Variants in ZNF214 observed in about 807,000 individuals in gnomAD.
ZNF214 encodes zinc finger protein 214.
In ZNF214, 43 loss-of-function variants were observed where a neutral mutation model predicts 53.9. That is an observed-to-expected ratio of 0.80 (90% CI 0.63 to 1.03). The LOEUF is 1.03. Among genes scored for constraint, ZNF214 ranks in the 50% least tolerant of loss-of-function variants. The probability of loss-of-function intolerance (pLI) is 0.00; values close to 1 mark genes in which losing one functional copy is unlikely to be tolerated. For synonymous variants in ZNF214, 217 were observed against 229.5 expected (o/e 0.95, Z 0.49); for missense variants, 724 against 719.1 (o/e 1.01, Z -0.08).
At chr11:7,004,057 A>C (rs556084937) in intron 1 of ZNF214, among the ~76,000 whole-genome samples, 1 of 151,994 alleles carries the variant, frequency 6.6e-6, no homozygotes, top group Non-Finnish European at 1.5e-5. Flanking sequence ...ATTTTATAAA[A>C]AGTACAATAA....
rs1285778011 is a variant in ZNF214, at chr11:7,014,812, AAAAAAAAC to A, written c.-21+5253_-21+5260del. On this transcript the variant is annotated intron_variant, in intron 1 of 2. Coordinates refer to ENST00000278314, the MANE Select transcript of ZNF214 (RefSeq NM_013249.4). ...CGAAACCCTGTCTCTAACAAAAAAAAAAAAAAACAAAAAAAAAACACTACCCAGGAGGT... is the reference window on the plus strand; with the variant it reads ...CGAAACCCTGTCTCTAACAAAAAAAAAAAAAAAAAACACTACCCAGGAGGT... Among the ~76,000 whole-genome samples the A allele has an allele frequency of 1.6e-4, 24 of 148,272 alleles. No homozygotes were observed. In the East Asian group the frequency reaches 4.8e-3, roughly 29 times the overall value.
At chr11:7,013,475 T>C (rs1851657488) in intron 1 of ZNF214, among the ~76,000 whole-genome samples, 1 of 152,238 alleles carries the variant, frequency 6.6e-6, no homozygotes, top group Admixed American at 6.5e-5. Flanking sequence ...TAGCAGAACA[T>C]GTTCCATATA....
intron 1 of ZNF214, among the ~76,000 whole-genome samples, chr11:7,019,252 C>T (rs977417897): frequency 6.6e-6 from 1 of 152,144 alleles, no homozygotes; most frequent in African/African-American, 2.4e-5. Flanking sequence ...CATCTCCTAG[C>T]AAGAGGTCCA....
At position 6,999,974 on chromosome 11, in the gene ZNF214, C is replaced by G; in HGVS notation, c.1709G>C (p.Arg570Pro). The change falls in exon 3 of 3, where the codon CGA becomes CCA. Residue 570 changes from arginine to proline, a missense_variant. By Grantham distance (103) the Arg-to-Pro change is moderately radical. Transcript: ENST00000278314. ...TCCTGCATGGACTCTTTGATGAATT[C>G]GAAGAGCTGAGCTATGACTGAAACC... ...GKGFSHSSAL[R>P]IHQRVHAGEK... 6.2e-7 allele frequency: 1 copy of G among 1,613,058 alleles called. No homozygotes were observed. The highest frequency in any genetic ancestry group is 8.5e-7 in the Non-Finnish European group (1 of 1,179,480).
Position 7,001,063 on chromosome 11 carries a change from T to A in ZNF214, c.620A>T (p.Glu207Val). The stretch of plus-strand genomic sequence containing the variant: ...TTCCATTGAATCTCTCAGTAGGTCT[T>A]CTTGACATATCACCCCAACATACTG... Reference protein sequence around the residue: ...LPQYVGVICQEDLLRDSMEEK... With the variant: ...LPQYVGVICQVDLLRDSMEEK... The change falls in exon 3 of 3, where the codon GAA (glutamate) becomes GTA (valine). Residue 207 changes from glutamate (E) to valine (V), a missense_variant. Coordinates refer to ENST00000278314, the MANE Select transcript of ZNF214 (RefSeq NM_013249.4). 6.2e-7 allele frequency: 1 copy of A among 1,613,308 alleles called. No homozygotes were observed. The highest frequency in any genetic ancestry group is 1.3e-5 in the African/African-American group (1 of 74,964).
chr11:7,004,772 G>T (rs1295325114), intron 1 of ZNF214, among the ~76,000 whole-genome samples: 1 of 152,044 alleles, frequency 6.6e-6, no homozygotes, highest in Non-Finnish European at 1.5e-5. Flanking sequence ...AACTATCTTA[G>T]AAGTGGATCC....
chr11:7,008,804 G>C (rs999500746), intron 1 of ZNF214, among the ~76,000 whole-genome samples: 1 of 152,020 alleles, frequency 6.6e-6, no homozygotes, highest in African/African-American at 2.4e-5. Flanking sequence ...TCCAAGCTGA[G>C]AGCCAAATCA....
At position 7,000,465 on chromosome 11, in the gene ZNF214, T is replaced by A; in HGVS notation, c.1218A>T (p.Leu406Phe). The change falls in exon 3 of 3, where the codon TTA (leucine) becomes TTT (phenylalanine). Residue 406 changes from leucine (L) to phenylalanine (F), a missense_variant. Physicochemically the swap from Leu to Phe is conservative, Grantham distance 22 (BLOSUM62 0). Coordinates refer to ENST00000278314, the MANE Select transcript of ZNF214 (RefSeq NM_013249.4). ...SQSSNLRIHQ[L>F]VHTGEKSYKC... ...TATAAGACTTCTCTCCTGTGTGTAC[T>A]AACTGATGAATTCGAAGATTTGAGC... 6.2e-7 allele frequency: 1 copy of A among 1,613,342 alleles called. No individual in the cohort carries two copies. The highest frequency in any genetic ancestry group is 1.1e-5 in the South Asian group (1 of 91,040).
intron 1 of ZNF214, chr11:7,019,771 TAACCCTC>T (rs1028795121): frequency 3.3e-5 from 5 of 152,288 alleles, no homozygotes; most frequent in African/African-American, 1.2e-4. Flanking sequence ...AGCAATTAGT[TAACCCTC>T]TTTCTCTAGG....
Position 7,001,436 on chromosome 11 carries a change from A to G in ZNF214, c.247T>C (p.Tyr83His), listed in dbSNP as rs770964046. ...AGAQMYENQNYGETVQGTDSK... is the reference protein window; with the variant it reads ...AGAQMYENQNHGETVQGTDSK... ...TCTGTCCCTTGAACAGTTTCCCCAT[A>G]GTTCTGATTCTCATACATCTGGGCG... The change falls in exon 3 of 3, where the codon TAT becomes CAT. Residue 83 changes from tyrosine (Y) to histidine (H), a missense_variant. By Grantham distance (83) the Tyr-to-His change is moderately conservative. Transcript: ENST00000278314. The G allele has an allele frequency of 9.9e-6, 16 of 1,613,074 alleles. No homozygotes were observed. Among genetic ancestry groups the G allele is most frequent in the Admixed American group, 8.3e-5 (5 of 59,930 alleles).
chr11:7,001,850 C>G (rs759902146), intron 2 of ZNF214, among the ~76,000 whole-genome samples: 1 of 151,986 alleles, frequency 6.6e-6, no homozygotes, highest in Non-Finnish European at 1.5e-5. Context: ...ATAATGCCAA[C>G]TGCTTCATGG....
Position 7,017,881 on chromosome 11 carries a change from T to G in ZNF214, c.-21+2192A>C, listed in dbSNP as rs188975582. On this transcript the variant is annotated intron_variant, in intron 1 of 2. Coordinates refer to ENST00000278314, the MANE Select transcript of ZNF214 (RefSeq NM_013249.4). ...GTGAAAAACGTATACAAATAACAGC[T>G]ATTCATACATTGAATAAATATTTAC... Among the ~76,000 whole-genome samples the G allele has an allele frequency of 5.1e-3, 772 of 152,368 alleles. 7 individuals carry two copies. The highest frequency in any genetic ancestry group is 0.018 in the African/African-American group (734 of 41,588).
At position 7,000,227 on chromosome 11, in the gene ZNF214, G is replaced by A. The variant is rs934056804; in HGVS notation, c.1456C>T (p.His486Tyr). 1.2e-6 allele frequency: 2 copies of A among 1,613,208 alleles called. No homozygotes were observed. The highest frequency in any genetic ancestry group is 1.7e-5 in the Admixed American group (1 of 59,816). Residue 486 changes from histidine to tyrosine, a missense_variant, in exon 3 of 3, where the codon CAC (histidine) becomes TAC (tyrosine). Coordinates refer to ENST00000278314, the MANE Select transcript of ZNF214 (RefSeq NM_013249.4). ...GKGFSKSSKL[H>Y]THQRVHTGEK... ...CCAGTATGTACTCTTTGATGAGTGTGAAGCTTTGAACTCTTACTGAAGCCC... is the reference window on the plus strand; with the variant it reads ...CCAGTATGTACTCTTTGATGAGTGTAAAGCTTTGAACTCTTACTGAAGCCC...
intron 1 of ZNF214, among the ~76,000 whole-genome samples, chr11:7,014,356 CCAA>C (rs1851694516): frequency 1.3e-5 from 2 of 152,096 alleles, no homozygotes; most frequent in African/African-American, 4.8e-5. Context: ...TCCAAAAAGT[CCAA>C]CAACAAAACA....
Position 7,000,538 on chromosome 11 carries a change from C to T in ZNF214, c.1145G>A (p.Gly382Glu), listed in dbSNP as rs752031529. The change falls in exon 3 of 3, where the codon GGA becomes GAA. Residue 382 changes from glycine (G) to glutamate (E), a missense_variant. Transcript: ENST00000278314. The stretch of plus-strand genomic sequence containing the variant: ...CTCATCACACTTATATGGTTTTTCT[C>T]CTGTGTGGACTCTCTGATGAACATG... ...VLHVHQRVHT[G>E]EKPYKCDECG... is the part of the protein sequence containing the mutation. 3.7e-6 allele frequency: 6 copies of T among 1,611,854 alleles called. No homozygotes were observed. The highest frequency in any genetic ancestry group is 1.7e-4 in the Middle Eastern group (1 of 6,042).
Position 7,018,495 on chromosome 11 carries a change from C to CTT in ZNF214, c.-21+1576_-21+1577dup, listed in dbSNP as rs55641448. Among the ~76,000 whole-genome samples, 162 of 61,868 alleles carry CTT rather than the reference C, an allele frequency of 2.6e-3. 14 individuals carry two copies. Among genetic ancestry groups the CTT allele is most frequent in the African/African-American group, 9.0e-3 (145 of 16,162 alleles). The allele number at this position is 61,868 out of a possible 152,430, so 40.6% of individuals were successfully genotyped here. A position where few individuals can be genotyped will look rare whatever the true frequency, so the allele number is the denominator to read the frequency against. On this transcript the variant is annotated intron_variant, in intron 1 of 2. Transcript: ENST00000278314. ...TAGTTTATTACCCCCAATGTTAAGACTTTTTTTTTTTTTTTTTTTTTTTTG... is the reference window on the plus strand; with the variant it reads ...TAGTTTATTACCCCCAATGTTAAGACTTTTTTTTTTTTTTTTTTTTTTTTTTG...
intron 1 of ZNF214, among the ~76,000 whole-genome samples, chr11:7,018,464 C>T (rs1851825891): frequency 7.3e-6 from 1 of 137,534 alleles, no homozygotes; most frequent in African/African-American, 2.7e-5. Flanking sequence ...TATTATTAAT[C>T]TCATATAGTT....
At chr11:7,017,796 T>C (rs554501123) in intron 1 of ZNF214, among the ~76,000 whole-genome samples, 4 of 151,176 alleles carry the variant, frequency 2.6e-5, no homozygotes, top group East Asian at 3.9e-4. Context: ...TGGAACACTA[T>C]ACAGTCATTA....
chr11:7,002,657 C>A, intron 2 of ZNF214, 52 bp downstream of exon 2: 2 of 1,494,930 alleles, frequency 1.3e-6, no homozygotes, highest in South Asian at 1.4e-5. Context: ...AAATACTCAA[C>A]AAAACTGCTC....
Sources: gnomAD v4.1 joint callset for allele counts (sites outside exome capture counted in the v4.1 genomes callset) on GRCh38, gnomAD v4.1.1 for gene constraint, MANE v1.5 for transcripts, NCBI Gene and HGNC (gene_info 2026-07-23, HGNC 2026-07-21) for gene names.